The following CD247 variants were observed in gnomAD, a reference collection of about 807,000 sequenced individuals.
CD247 encodes the protein CD247 molecule.
CD247 carries 13 observed loss-of-function variants against 30.0 expected under a neutral mutation model. The ratio of observed to expected loss-of-function variants is 0.43; its 90% CI spans 0.28 to 0.69. The LOEUF is 0.69. Ranked by LOEUF, CD247 falls within the 30% of genes least tolerant of loss-of-function variation. The pLI is 0.16. For missense variants in CD247, 193 were observed against 212.6 expected (o/e 0.91, Z 0.57); for synonymous variants, 72 against 80.0 (o/e 0.90, Z 0.53).
chr1:167,476,615 A>G (rs1467581140), intron 1 of CD247, among the ~76,000 whole-genome samples: 1 of 152,098 alleles, frequency 6.6e-6, no homozygotes, highest in Non-Finnish European at 1.5e-5. Flanking sequence ...TTGAGCTGAG[A>G]AGTTTGAGAC....
At chr1:167,505,589 G>T (rs575303727) in intron 1 of CD247, among the ~76,000 whole-genome samples, 1 of 152,360 alleles carries the variant, frequency 6.6e-6, no homozygotes, top group East Asian at 1.9e-4. Flanking sequence ...CTCGCCCTCC[G>T]GCAGCCTGTT....
intron 2 of CD247, 96 bp from the exon 3 acceptor site, chr1:167,439,496 T>C (rs2101994450): frequency 1.8e-6 from 2 of 1,088,432 alleles, no homozygotes; most frequent in Admixed American, 1.8e-5. Context: ...ACAGCCCTAC[T>C]CCGCTCCTTG....
At chr1:167,469,349 GCT>G (rs1450226588) in intron 1 of CD247, among the ~76,000 whole-genome samples, 1 of 152,194 alleles carries the variant, frequency 6.6e-6, no homozygotes, top group East Asian at 1.9e-4. Context: ...GGCCCACAGA[GCT>G]AAGGAGTTGT....
chr1:167,462,972 G>A (rs1653088522), intron 1 of CD247, among the ~76,000 whole-genome samples: 1 of 152,112 alleles, frequency 6.6e-6, no homozygotes. Context: ...CTCATTGCCT[G>A]TCTCCTCAGA....
At chr1:167,513,874 A>G (rs767674406) in intron 1 of CD247, among the ~76,000 whole-genome samples, 4 of 152,252 alleles carry the variant, frequency 2.6e-5, no homozygotes, top group Non-Finnish European at 4.4e-5. Context: ...GCAGGGTTTT[A>G]TCTTAAACCA....
Position 167,510,472 on chromosome 1 carries a change from G to T in CD247, c.58+7936C>A, listed in dbSNP as rs111449402. On this transcript the variant is annotated intron_variant, in intron 1 of 7. Transcript: ENST00000362089. The stretch of plus-strand genomic sequence containing the variant: ...TGGGGCTTGGGCTCAGGCTTTTCAC[G>T]TGATGGGTCACCTGGCTCAGCTGCC... 5.3e-3 allele frequency among the ~76,000 whole-genome samples: 814 copies of T among 152,300 alleles called. 6 individuals carry two copies. The highest frequency in any genetic ancestry group is 0.019 in the African/African-American group (774 of 41,556).
chr1:167,507,645 G>C (rs568947110), intron 1 of CD247, among the ~76,000 whole-genome samples: 1 of 152,200 alleles, frequency 6.6e-6, no homozygotes, highest in East Asian at 1.9e-4. Flanking sequence ...AGGCCAGCCA[G>C]GGCAACGTAG....
chr1:167,445,718 T>A (rs1405282984), intron 1 of CD247, among the ~76,000 whole-genome samples: 1 of 152,182 alleles, frequency 6.6e-6, no homozygotes, highest in Non-Finnish European at 1.5e-5. Flanking sequence ...TGAGCCAGAC[T>A]ATGAACTTCT....
chr1:167,487,097 G>A (rs975839048), intron 1 of CD247, among the ~76,000 whole-genome samples: 83 of 149,120 alleles, frequency 5.6e-4, no homozygotes, highest in Middle Eastern at 3.2e-3. Flanking sequence ...GGAAGAAAAC[G>A]GCCGGGTGTG....
Position 167,431,378 on chromosome 1 carries a change from G to A in CD247, c.*303C>T. 1.7e-6 allele frequency: 1 copy of A among 600,092 alleles called. No homozygotes were observed. The highest frequency in any genetic ancestry group is 3.0e-6 in the Non-Finnish European group (1 of 338,334). 37.2% of individuals were successfully genotyped at this position (600,092 alleles called of 1,614,324 possible). A position where few individuals can be genotyped will look rare whatever the true frequency, so the allele number is the denominator to read the frequency against. On this transcript the variant is annotated 3_prime_UTR_variant, in exon 8 of 8. Transcript: ENST00000362089. ...CAGACTCAACAACTCAGCTGTGAGA[G>A]GCAGTGCGCCCGCCTCCCAGGGAGA...
chr1:167,464,830 AAAG>A (rs1166492303), intron 1 of CD247, among the ~76,000 whole-genome samples: 5 of 152,206 alleles, frequency 3.3e-5, no homozygotes, highest in Admixed American at 6.5e-5. Flanking sequence ...AAGCAAAGGG[AAAG>A]AAGAATAGAA....
chr1:167,511,872 T>C lies in CD247; in HGVS notation c.58+6536A>G, dbSNP rs1655402863. ...CACTTTCTTCATTTACGAGAAGAGA[T>C]AGATCCTGCTGCTTTTTCTGCTATT... is the stretch of plus-strand genomic sequence containing the variant. On this transcript the variant is annotated intron_variant, in intron 1 of 7. Transcript: ENST00000362089. Among the ~76,000 whole-genome samples, 4 of 152,084 alleles carry C rather than the reference T, an allele frequency of 2.6e-5. No individual in the cohort carries two copies. In the South Asian group the frequency reaches 8.3e-4, roughly 32 times the overall value.
At chr1:167,462,521 A>G (rs1653066603) in intron 1 of CD247, among the ~76,000 whole-genome samples, 1 of 152,254 alleles carries the variant, frequency 6.6e-6, no homozygotes, top group African/African-American at 2.4e-5. Context: ...GTGTGTAAAC[A>G]AGTGTATCTA....
chr1:167,480,426 C>A (rs1038309283), intron 1 of CD247, among the ~76,000 whole-genome samples: 3 of 152,206 alleles, frequency 2.0e-5, no homozygotes, highest in Non-Finnish European at 4.4e-5. Flanking sequence ...CTCTTAAGAA[C>A]GTCTCCTGTC....
At chr1:167,451,608 C>T (rs1246701966) in intron 1 of CD247, among the ~76,000 whole-genome samples, 1 of 152,200 alleles carries the variant, frequency 6.6e-6, no homozygotes, top group African/African-American at 2.4e-5. Flanking sequence ...TTTGCTCCTT[C>T]CTCATCCATT....
chr1:167,433,894 C>T (rs1651398935), intron 6 of CD247, 126 bp downstream of exon 6: 1 of 905,114 alleles, frequency 1.1e-6, no homozygotes. Flanking sequence ...TCGCCTTCAC[C>T]TCTGATGGCC....
At chr1:167,439,234 G>T (rs1215052763) in intron 3 of CD247, 110 bp downstream of exon 3, 4 of 947,744 alleles carry the variant, frequency 4.2e-6, no homozygotes, top group African/African-American at 3.2e-5. Context: ...GGTCGCAGAG[G>T]TGATAGCTAG....
intron 2 of CD247, chr1:167,439,606 C>T: frequency 3.3e-6 from 2 of 598,002 alleles, no homozygotes; most frequent in Non-Finnish European, 6.0e-6. Context: ...TTTCCTCCCG[C>T]CTGTGACACG....
intron 1 of CD247, among the ~76,000 whole-genome samples, chr1:167,470,749 A>G (rs144298269): frequency 6.6e-6 from 1 of 152,076 alleles, no homozygotes; most frequent in African/African-American, 2.4e-5. Context: ...GCTATGTATA[A>G]TAATTTACTC....
Sources: allele counts gnomAD v4.1 joint callset (sites outside exome capture counted in the v4.1 genomes callset), GRCh38; gene constraint gnomAD v4.1.1; transcripts MANE v1.5; gene names NCBI Gene and HGNC (gene_info 2026-07-23, HGNC 2026-07-21).